Variants in MCTP2 observed in about 807,000 individuals in gnomAD.
MCTP2 encodes the protein multiple C2 and transmembrane domain-containing protein 2.
In MCTP2, 132 loss-of-function variants were observed where a neutral mutation model predicts 111.6. The observed-to-expected ratio is 1.18, with a 90% CI of 1.03 to 1.37. MCTP2 has a LOEUF of 1.37. Ranked by LOEUF, MCTP2 falls within the 40% of genes most tolerant of loss-of-function variation. The pLI, the probability that MCTP2 is intolerant of heterozygous loss-of-function variation, is 0.00. For missense variants in MCTP2, 1,183 were observed against 1,067.9 expected (o/e 1.11, Z -1.50); for synonymous variants, 395 against 387.7 (o/e 1.02, Z -0.22).
chr15:94,382,267 A>G lies in MCTP2; in HGVS notation c.1583-1755A>G, dbSNP rs184116931. Among the ~76,000 whole-genome samples, 16 of 152,320 alleles carry G rather than the reference A, an allele frequency of 1.1e-4. No homozygotes were observed. In the East Asian group the frequency reaches 2.7e-3, roughly 26 times the overall value. The stretch of plus-strand genomic sequence containing the variant: ...TAAGTATTCTTTGGTTTATAGTGAT[A>G]TTTTTTAGCCCGATTCTCCAGCCTT... On this transcript the variant is annotated intron_variant, in intron 12 of 22. Transcript: ENST00000357742.
intron 17 of MCTP2, among the ~76,000 whole-genome samples, chr15:94,403,542 A>G (rs2081719285): frequency 6.6e-6 from 1 of 152,212 alleles, no homozygotes; most frequent in South Asian, 2.1e-4. Flanking sequence ...GATTTTAGAA[A>G]AACAGAGATC....
At chr15:94,324,397 G>T (rs2076763659) in intron 4 of MCTP2, among the ~76,000 whole-genome samples, 1 of 152,194 alleles carries the variant, frequency 6.6e-6, no homozygotes, top group South Asian at 2.1e-4. Flanking sequence ...ATACTGTGTT[G>T]CTGGTGCCCT....
intron 1 of MCTP2, among the ~76,000 whole-genome samples, chr15:94,284,333 A>T (rs79920766): frequency 0.018 from 2,799 of 152,318 alleles, 84 homozygotes; most frequent in African/African-American, 0.063. Context: ...GCTGAAAAAC[A>T]GAGAGAGAAA....
At chr15:94,417,562 C>T (rs766359040) in intron 17 of MCTP2, among the ~76,000 whole-genome samples, 1 of 152,062 alleles carries the variant, frequency 6.6e-6, no homozygotes, top group African/African-American at 2.4e-5. Context: ...TATTCCTGAG[C>T]GCTGGTGATG....
intron 12 of MCTP2, among the ~76,000 whole-genome samples, chr15:94,372,516 G>C (rs1009852095): frequency 6.6e-6 from 1 of 152,190 alleles, no homozygotes; most frequent in Admixed American, 6.5e-5. Flanking sequence ...AGAGGTCAGC[G>C]ATCGTGGCCT....
chr15:94,329,483 T>C (rs2077038455), intron 4 of MCTP2, among the ~76,000 whole-genome samples: 1 of 152,154 alleles, frequency 6.6e-6, no homozygotes, highest in Non-Finnish European at 1.5e-5. Context: ...GAATCATGGC[T>C]TCCAGGGAGC....
At chr15:94,390,088 ATG>A (rs1301818441) in intron 14 of MCTP2, among the ~76,000 whole-genome samples, 820 of 10,776 alleles carry the variant, frequency 0.076, 51 homozygotes, top group East Asian at 0.47. Context: ...ATATATATAT[ATG>A]TATATATATA....
At chr15:94,307,525 G>T (rs192407423) in intron 2 of MCTP2, among the ~76,000 whole-genome samples, 62 of 152,314 alleles carry the variant, frequency 4.1e-4, no homozygotes, top group African/African-American at 1.5e-3. Flanking sequence ...AGATGGCAGA[G>T]AAGTGAACAG....
At chr15:94,246,691 T>C (rs1204590754) in intron 1 of MCTP2, among the ~76,000 whole-genome samples, 1 of 152,212 alleles carries the variant, frequency 6.6e-6, no homozygotes, top group Non-Finnish European at 1.5e-5. Flanking sequence ...TGAAATGGGT[T>C]GCAAAATCCA....
chr15:94,439,201 AAG>A (rs1443702309), intron 17 of MCTP2, among the ~76,000 whole-genome samples: 1 of 152,216 alleles, frequency 6.6e-6, no homozygotes, highest in Non-Finnish European at 1.5e-5. Context: ...GATAATCACA[AAG>A]AGAAAATTTT....
Position 94,384,992 on chromosome 15 carries a change from G to A in MCTP2, c.1686-431G>A, listed in dbSNP as rs118098482. On this transcript the variant is annotated intron_variant, in intron 13 of 22. Transcript: ENST00000357742. ...TGTTTCAACAACAGAGGGTTTCTAAGCATTTCAGGAAATAGTGATTTTTCA... is the reference window on the plus strand; with the variant it reads ...TGTTTCAACAACAGAGGGTTTCTAAACATTTCAGGAAATAGTGATTTTTCA... 4.8e-3 allele frequency among the ~76,000 whole-genome samples: 734 copies of A among 152,186 alleles called. 20 individuals are homozygous for A. The highest frequency in any genetic ancestry group is 0.033 in the East Asian group (169 of 5,192).
At chr15:94,334,527 GGT>G (rs1364103339) in intron 4 of MCTP2, among the ~76,000 whole-genome samples, 1 of 152,112 alleles carries the variant, frequency 6.6e-6, no homozygotes, top group East Asian at 1.9e-4. Flanking sequence ...AAAACTTTAA[GGT>G]GTTTTTTGAT....
At chr15:94,333,489 C>T (rs56078537) in intron 4 of MCTP2, among the ~76,000 whole-genome samples, 5,586 of 151,794 alleles carry the variant, frequency 0.037, 305 homozygotes, top group African/African-American at 0.13. Flanking sequence ...AGCTGCATTA[C>T]AGGTTCATTT....
Position 94,436,414 on chromosome 15 carries a change from A to G in MCTP2, c.2086-3762A>G, listed in dbSNP as rs144106960. Among the ~76,000 whole-genome samples, 1,459 of 152,258 alleles carry G rather than the reference A, an allele frequency of 9.6e-3. 12 individuals carry two copies. The highest frequency in any genetic ancestry group is 0.032 in the African/African-American group (1,331 of 41,558). ...GGTTTATATTTGCTTTCCTTGAAAGATGTTTGTTAGGAAATCAGTTCTTTA... is the reference window on the plus strand; with the variant it reads ...GGTTTATATTTGCTTTCCTTGAAAGGTGTTTGTTAGGAAATCAGTTCTTTA... On this transcript the variant is annotated intron_variant, in intron 17 of 22. Transcript: ENST00000357742.
At chr15:94,404,404 C>T (rs144581196) in intron 17 of MCTP2, among the ~76,000 whole-genome samples, 68 of 151,022 alleles carry the variant, frequency 4.5e-4, no homozygotes, top group African/African-American at 1.6e-3. Flanking sequence ...CGGGTTCAAG[C>T]GATTCTTCTC....
intron 2 of MCTP2, 22 bp downstream of exon 2, chr15:94,298,752 C>G: frequency 6.8e-7 from 1 of 1,462,348 alleles, no homozygotes; most frequent in Non-Finnish European, 9.1e-7. Context: ...GCTGGGCTCT[C>G]TTTTTTTTTG....
chr15:94,405,097 A>C (rs941966042), intron 17 of MCTP2, among the ~76,000 whole-genome samples: 1 of 152,166 alleles, frequency 6.6e-6, no homozygotes, highest in Admixed American at 6.6e-5. Flanking sequence ...AAATTAGCGA[A>C]TGTGATAGTT....
chr15:94,267,853 T>C, intron 1 of MCTP2, among the ~76,000 whole-genome samples: 1 of 117,612 alleles, frequency 8.5e-6, no homozygotes, highest in African/African-American at 3.3e-5. Context: ...GGGTCTGGAT[T>C]ACTTTCCTTT....
At chr15:94,394,285 T>C (rs2081164081) in intron 14 of MCTP2, among the ~76,000 whole-genome samples, 1 of 151,972 alleles carries the variant, frequency 6.6e-6, no homozygotes, top group Admixed American at 6.6e-5. Flanking sequence ...ATCCTTCTGC[T>C]TGTATTGGAG....
Sources: gnomAD v4.1 joint callset for allele counts (sites outside exome capture counted in the v4.1 genomes callset) on GRCh38, gnomAD v4.1.1 for gene constraint, MANE v1.5 for transcripts, NCBI Gene and HGNC (gene_info 2026-07-23, HGNC 2026-07-21) for gene names.